SHPRH: variants seen among roughly 807,000 people sequenced by gnomAD.
The protein encoded by SHPRH is E3 ubiquitin-protein ligase SHPRH.
Under a neutral mutation model 202.5 loss-of-function variants are expected in SHPRH, and 106 were observed. The ratio of observed to expected loss-of-function variants is 0.52; its 90% CI spans 0.45 to 0.62. SHPRH has a LOEUF of 0.62. SHPRH is among the 20% of genes least tolerant of loss of function. The pLI is 0.00. For missense variants in SHPRH, 1,710 were observed against 2,020.0 expected, an observed-to-expected ratio of 0.85 and a Z score of 2.94; for synonymous variants, 729 against 686.0, an observed-to-expected ratio of 1.06 and a Z score of -0.98.
At chr6:145,914,943 G>A (rs1783817080) in intron 23 of SHPRH, among the ~76,000 whole-genome samples, 1 of 151,710 alleles carries the variant, frequency 6.6e-6, no homozygotes, top group Non-Finnish European at 1.5e-5. Context: ...TGGGTGTAAT[G>A]GTCTGTGTCA....
At chr6:145,870,259 ATT>A (rs146513776) in intron 2 of SHPRH, among the ~76,000 whole-genome samples, 268 of 107,704 alleles carry the variant, frequency 2.5e-3, no homozygotes, top group African/African-American at 6.6e-3. Context: ...ATCGTTTCAG[ATT>A]TTTTTTTTTT....
chr6:145,868,420 C>A (rs1779900256), intron 2 of SHPRH, among the ~76,000 whole-genome samples: 1 of 152,314 alleles, frequency 6.6e-6, no homozygotes, highest in Non-Finnish European at 1.5e-5. Flanking sequence ...TGCTTAATAT[C>A]ACACAGCTGA....
intron 2 of SHPRH, chr6:145,871,155 T>C (rs1780037146): frequency 6.6e-6 from 1 of 152,120 alleles, no homozygotes; most frequent in Non-Finnish European, 1.5e-5. Context: ...CAAGACAAGT[T>C]TGCCCTCTCT....
At chr6:145,870,800 CT>C (rs1157931228) in intron 2 of SHPRH, 1 of 152,098 alleles carries the variant, frequency 6.6e-6, no homozygotes, top group Non-Finnish European at 1.5e-5. Flanking sequence ...TGTAGATATC[CT>C]TTATCAGGTT....
At chr6:145,903,662 T>G (rs535002375) in intron 25 of SHPRH, 1 of 152,082 alleles carries the variant, frequency 6.6e-6, no homozygotes. Flanking sequence ...GGGTACTGTA[T>G]TGCTGTCACT....
intron 28 of SHPRH, among the ~76,000 whole-genome samples, chr6:145,888,858 A>G (rs1050685544): frequency 3.3e-5 from 5 of 152,096 alleles, no homozygotes; most frequent in Admixed American, 2.0e-4. Flanking sequence ...TATCTTTTGG[A>G]GGTAGAGCTG....
At position 145,923,657 on chromosome 6, in the gene SHPRH, A is replaced by G. The variant is rs2128751419; in HGVS notation, c.3531T>C (p.Leu1177=). The G allele has an allele frequency of 6.2e-7, 1 of 1,611,946 alleles. No homozygotes were observed. The highest frequency in any genetic ancestry group is 8.5e-7 in the Non-Finnish European group (1 of 1,178,640). Residue 1177 remains leucine (L), a synonymous_variant, in exon 18 of 30, where the codon CTT becomes CTC. Coordinates refer to ENST00000275233, the MANE Select transcript of SHPRH (RefSeq NM_001042683.3). ...TSNYKQQTGK[L]SMSEKFRDCR... Reference sequence around the variant, plus strand: ...TGTTTTCTTACTTCTCTGACATAGAAAGCTTGCCAGTTTGTTGCTTGTAGT... The same window carrying G: ...TGTTTTCTTACTTCTCTGACATAGAGAGCTTGCCAGTTTGTTGCTTGTAGT...
At chr6:145,866,333 T>G (rs528029624) in intron 2 of SHPRH, among the ~76,000 whole-genome samples, 8 of 152,334 alleles carry the variant, frequency 5.3e-5, no homozygotes, top group Non-Finnish European at 1.0e-4. Flanking sequence ...TGAAAATTAT[T>G]TTTTAACACC....
chr6:145,874,418 T>G (rs1214023314), intron 2 of SHPRH, among the ~76,000 whole-genome samples: 1 of 152,140 alleles, frequency 6.6e-6, no homozygotes, highest in African/African-American at 2.4e-5. Flanking sequence ...GTGTCCTTAA[T>G]GATAAAGACT....
intron 7 of SHPRH, among the ~76,000 whole-genome samples, chr6:145,945,899 T>C (rs537515821): frequency 6.6e-6 from 1 of 152,198 alleles, no homozygotes; most frequent in South Asian, 2.1e-4. Flanking sequence ...TTCAAAATTA[T>C]AAAAGAAAAC....
At chr6:145,930,080 A>G (rs1785275148) in intron 14 of SHPRH, among the ~76,000 whole-genome samples, 1 of 152,098 alleles carries the variant, frequency 6.6e-6, no homozygotes, top group Non-Finnish European at 1.5e-5. Flanking sequence ...AAGTAGGCCC[A>G]CCCTATTCAG....
chr6:145,893,788 G>A (rs7341315), intron 27 of SHPRH, among the ~76,000 whole-genome samples: 2,361 of 152,150 alleles, frequency 0.016, 22 homozygotes, highest in African/African-American at 0.023. Flanking sequence ...TCACTGTGCT[G>A]AGCATGATGT....
chr6:145,904,536 C>A (rs550550141), intron 25 of SHPRH: 1 of 152,174 alleles, frequency 6.6e-6, no homozygotes, highest in Non-Finnish European at 1.5e-5. Context: ...ATACAATAAG[C>A]TGATGTTTCA....
At chr6:145,942,566 G>T (rs1267499265) in intron 9 of SHPRH, among the ~76,000 whole-genome samples, 1 of 152,202 alleles carries the variant, frequency 6.6e-6, no homozygotes, top group Non-Finnish European at 1.5e-5. Flanking sequence ...AAGGAAGAAT[G>T]AAATTAGTGA....
At chr6:145,913,027 G>T (rs1190882628) in intron 24 of SHPRH, among the ~76,000 whole-genome samples, 1 of 152,076 alleles carries the variant, frequency 6.6e-6, no homozygotes, top group African/African-American at 2.4e-5. Flanking sequence ...TTCCCTAGGA[G>T]AGATTAATTT....
downstream of SHPRH, among the ~76,000 whole-genome samples, chr6:145,859,633 G>T (rs1200032708): frequency 6.6e-6 from 1 of 152,020 alleles, no homozygotes; most frequent in Non-Finnish European, 1.5e-5. Flanking sequence ...TCAAGCAGCA[G>T]CAAGACTTCA....
chr6:145,891,761 T>C (rs1018356894), intron 28 of SHPRH, among the ~76,000 whole-genome samples: 4 of 152,048 alleles, frequency 2.6e-5, no homozygotes, highest in East Asian at 1.9e-4. Flanking sequence ...CCTCAGAAAG[T>C]AGAAAAAAAC....
At chr6:145,944,927 G>A (rs1490773172) in intron 8 of SHPRH, among the ~76,000 whole-genome samples, 1 of 152,074 alleles carries the variant, frequency 6.6e-6, no homozygotes, top group Non-Finnish European at 1.5e-5. Context: ...CAGGCATGGT[G>A]ACATGAGCCT....
chr6:145,940,622 T>C (rs1786666218), intron 11 of SHPRH, 101 bp downstream of exon 11: 1 of 1,127,124 alleles, frequency 8.9e-7, no homozygotes, highest in South Asian at 1.4e-5. Context: ...GAATCATCAC[T>C]TCAATAGGGA....
Sources: gnomAD v4.1 joint callset for allele counts (sites outside exome capture counted in the v4.1 genomes callset) on GRCh38, gnomAD v4.1.1 for gene constraint, MANE v1.5 for transcripts, NCBI Gene and HGNC (gene_info 2026-07-23, HGNC 2026-07-21) for gene names.